ADAM10: variants seen among roughly 807,000 people sequenced by gnomAD.
ADAM10 encodes the protein ADAM metallopeptidase domain 10, also known as disintegrin and metalloproteinase domain-containing protein 10.
ADAM10 carries 17 observed loss-of-function variants against 90.1 expected under a neutral mutation model. That is an observed-to-expected ratio of 0.19 (90% CI 0.13 to 0.28). The LOEUF (loss-of-function observed/expected upper bound fraction) is 0.28. ADAM10 is among the 10% of genes least tolerant of loss of function. The pLI, the probability that ADAM10 is intolerant of heterozygous loss-of-function variation, is 1.00. For synonymous variants in ADAM10, 310 were observed against 298.6 expected, an observed-to-expected ratio of 1.04 and a Z score of -0.40; for missense variants, 610 against 914.3, an observed-to-expected ratio of 0.67 and a Z score of 4.29.
chr15:58,687,656 T>G (rs1469722267), intron 2 of ADAM10, among the ~76,000 whole-genome samples: 1 of 132,612 alleles, frequency 7.5e-6, no homozygotes, highest in Non-Finnish European at 1.5e-5. Flanking sequence ...AACTCCATAC[T>G]TTTTAAAAAA....
rs144421848 is a variant in ADAM10, at chr15:58,733,905, T to TTATA, written c.55+15571_55+15574dup. Among the ~76,000 whole-genome samples, 406 of 148,164 alleles carry TTATA rather than the reference T, an allele frequency of 2.7e-3. 1 individual carries two copies. Among genetic ancestry groups the TTATA allele is most frequent in the African/African-American group, 7.9e-3 (319 of 40,544 alleles). ...AGAATATCTTTAGTTTTTCATTACA[T>TTATA]TATATATATATATATAAAAATAATA... On this transcript the variant is annotated intron_variant, in intron 1 of 15. Transcript: ENST00000260408.
At position 58,611,074 on chromosome 15, in the gene ADAM10, A is replaced by C; in HGVS notation, c.1729T>G (p.Leu577Val). 6.2e-7 allele frequency: 1 copy of C among 1,613,942 alleles called. No homozygotes were observed. Among genetic ancestry groups the C allele is most frequent in the Non-Finnish European group, 8.5e-7 (1 of 1,179,862 alleles). Residue 577 changes from leucine to valine, a missense_variant, in exon 13 of 16, where the codon TTA (leucine) becomes GTA (valine). Around this residue, in one of 4 missense-constraint regions of ADAM10, gnomAD observed 150 missense variants for 268.5 expected, o/e 0.56. Coordinates refer to ENST00000260408, the MANE Select transcript of ADAM10 (RefSeq NM_001110.4). ...GAACTGGCACACGTACACTCCTCTA[A>C]GCCATATTTCTCACAGATAGAACCT... ...CAGSICEKYG[L>V]EECTCASSDG... is the part of the protein sequence containing the mutation.
At chr15:58,681,078 T>G (rs1897428289) in intron 3 of ADAM10, among the ~76,000 whole-genome samples, 1 of 152,202 alleles carries the variant, frequency 6.6e-6, no homozygotes, top group Non-Finnish European at 1.5e-5. Context: ...CCCAAAGCAC[T>G]GGGATTACAG....
intron 2 of ADAM10, among the ~76,000 whole-genome samples, chr15:58,687,341 T>A (rs1264360981): frequency 2.6e-5 from 4 of 152,332 alleles, no homozygotes; most frequent in East Asian, 1.9e-4. Flanking sequence ...TGGCTGTACT[T>A]AAAGAAATAC....
intron 2 of ADAM10, among the ~76,000 whole-genome samples, chr15:58,687,645 A>G (rs570134290): frequency 3.6e-4 from 51 of 142,356 alleles, no homozygotes; most frequent in African/African-American, 1.4e-3. Flanking sequence ...CTAACAAACA[A>G]AACTCCATAC....
chr15:58,749,411 G>C (rs1899905082), intron 1 of ADAM10, 69 bp downstream of exon 1: 2 of 1,434,472 alleles, frequency 1.4e-6, no homozygotes, highest in Non-Finnish European at 1.8e-6. Context: ...GGCGCGACTG[G>C]GCTCCGCTCG....
rs551758586 is a variant in ADAM10 at position 58,626,356 on chromosome 15, C to T, written c.1360+1344G>A. ...TTTCAATTAAAAACAAAATCCCATG[C>T]TTATCTGGAAATCTTCCTGAATTCT... is the stretch of plus-strand genomic sequence containing the variant. On this transcript the variant is annotated intron_variant, in intron 10 of 15. Transcript: ENST00000260408. 8.5e-5 allele frequency among the ~76,000 whole-genome samples: 13 copies of T among 152,192 alleles called. No individual in the cohort carries two copies. The East Asian group carries it at 2.5e-3, about 29-fold the overall frequency.
chr15:58,597,269 G>A lies in ADAM10; in HGVS notation c.*278C>T, dbSNP rs1894980517. 1.0e-5 allele frequency: 11 copies of A among 1,060,888 alleles called. No individual in the cohort carries two copies. The highest frequency in any genetic ancestry group is 1.6e-5 in the African/African-American group (1 of 62,410). 65.7% of individuals were successfully genotyped at this position (1,060,888 alleles called of 1,614,324 possible). On this transcript the variant is annotated 3_prime_UTR_variant, in exon 16 of 16. Coordinates refer to ENST00000260408, the MANE Select transcript of ADAM10 (RefSeq NM_001110.4). ...TGCAGCAACGAAGAACAGGGAACAC[G>A]GGGCACATAATAATATTCTAAGACT...
intron 10 of ADAM10, among the ~76,000 whole-genome samples, chr15:58,627,458 G>T (rs1213171073): frequency 3.3e-5 from 5 of 152,158 alleles, no homozygotes; most frequent in African/African-American, 1.2e-4. Context: ...TCTAGTTAAT[G>T]ATTTGCAGAC....
At chr15:58,622,140 G>A (rs879565070) in intron 10 of ADAM10, among the ~76,000 whole-genome samples, 1 of 152,100 alleles carries the variant, frequency 6.6e-6, no homozygotes, top group Non-Finnish European at 1.5e-5. Flanking sequence ...TTTTTCTGGA[G>A]TATTTTAAAA....
intron 7 of ADAM10, among the ~76,000 whole-genome samples, chr15:58,642,477 C>T (rs1480187463): frequency 6.7e-6 from 1 of 149,664 alleles, no homozygotes; most frequent in African/African-American, 2.5e-5. Flanking sequence ...AAAAAAAAAA[C>T]AAATTGCATT....
At chr15:58,705,071 G>A (rs759401186) in intron 2 of ADAM10, among the ~76,000 whole-genome samples, 4 of 152,140 alleles carry the variant, frequency 2.6e-5, no homozygotes, top group Non-Finnish European at 5.9e-5. Context: ...ACTGAAAATT[G>A]TGCTTTACAA....
chr15:58,646,005 C>A lies in ADAM10; in HGVS notation c.735+50G>T, dbSNP rs201101293. On this transcript the variant is annotated intron_variant, in intron 6 of 15. Transcript: ENST00000260408. ...TTAAATTTTTAAAGGAAAGAATAGG[C>A]ATTATAAAACAATATGGGAACTACT... 399 of 1,591,206 alleles carry A rather than the reference C, an allele frequency of 2.5e-4. 7 individuals are homozygous for A. In the South Asian group the frequency reaches 4.3e-3, roughly 17 times the overall value.
At chr15:58,641,906 C>A (rs1896427057) in intron 7 of ADAM10, among the ~76,000 whole-genome samples, 1 of 152,176 alleles carries the variant, frequency 6.6e-6, no homozygotes, top group Non-Finnish European at 1.5e-5. Context: ...CCTGTACTCT[C>A]CAGTAAAACC....
chr15:58,736,776 T>C (rs142060908), intron 1 of ADAM10, among the ~76,000 whole-genome samples: 1 of 152,206 alleles, frequency 6.6e-6, no homozygotes, highest in East Asian at 1.9e-4. Context: ...AAAGCCTCTA[T>C]GTAAAACTGC....
chr15:58,626,117 T>C (rs376087183), intron 10 of ADAM10, among the ~76,000 whole-genome samples: 28 of 151,084 alleles, frequency 1.9e-4, no homozygotes, highest in East Asian at 1.5e-3. Flanking sequence ...TAAAATTGTA[T>C]AGAGCTAAAT....
chr15:58,728,262 A>C (rs1356218187), intron 1 of ADAM10, among the ~76,000 whole-genome samples: 1 of 152,230 alleles, frequency 6.6e-6, no homozygotes, highest in Non-Finnish European at 1.5e-5. Context: ...GAAATTAGAA[A>C]GTATTTTGAG....
chr15:58,611,686 G>T, intron 12 of ADAM10, 122 bp downstream of exon 12: 1 of 903,654 alleles, frequency 1.1e-6, no homozygotes, highest in Non-Finnish European at 1.7e-6. Flanking sequence ...TTTTGTGAGG[G>T]AATATTACTT....
intron 1 of ADAM10, among the ~76,000 whole-genome samples, chr15:58,728,278 T>C (rs1350939442): frequency 6.6e-6 from 1 of 152,224 alleles, no homozygotes; most frequent in East Asian, 1.9e-4. Context: ...TTGAGTTGAC[T>C]GCAAATAGCC....
Sources: allele counts gnomAD v4.1 joint callset (sites outside exome capture counted in the v4.1 genomes callset), GRCh38; gene constraint gnomAD v4.1.1; regional missense constraint gnomAD v4.1.1; transcripts MANE v1.5; gene names NCBI Gene and HGNC (gene_info 2026-07-23, HGNC 2026-07-21).